ABCG2: variants seen among roughly 807,000 people sequenced by gnomAD.
ABCG2 encodes the protein ATP binding cassette subfamily G member 2 (JR blood group), also known as broad substrate specificity ATP-binding cassette transporter ABCG2.
ABCG2 carries 80 observed loss-of-function variants against 73.5 expected under a neutral mutation model. The observed-to-expected ratio is 1.09, with a 90% CI of 0.91 to 1.31. The LOEUF is 1.31. Among genes scored for constraint, ABCG2 ranks in the 50% most tolerant of loss-of-function variants. ABCG2 has a pLI of 0.00. For synonymous variants in ABCG2, 269 were observed against 282.4 expected (o/e 0.95, Z 0.48); for missense variants, 796 against 786.2 (o/e 1.01, Z -0.15).
intron 1 of ABCG2, among the ~76,000 whole-genome samples, chr4:88,224,928 T>C (rs1303556851): frequency 1.3e-5 from 2 of 152,198 alleles, no homozygotes; most frequent in African/African-American, 4.8e-5. Context: ...CCCAGCACCA[T>C]TTATTGAAAA....
chr4:88,116,015 C>A (rs887292278), intron 7 of ABCG2, among the ~76,000 whole-genome samples: 1 of 152,068 alleles, frequency 6.6e-6, no homozygotes, highest in African/African-American at 2.4e-5. Flanking sequence ...GCCAACATGG[C>A]AAAACCCCAT....
At chr4:88,209,794 T>C (rs191751952) in intron 1 of ABCG2, among the ~76,000 whole-genome samples, 2 of 152,352 alleles carry the variant, frequency 1.3e-5, no homozygotes, top group African/African-American at 4.8e-5. Context: ...GGCAATGTTA[T>C]ATAAAATAAT....
chr4:88,179,076 TG>T (rs56919975), intron 1 of ABCG2, among the ~76,000 whole-genome samples: 12,227 of 152,180 alleles, frequency 0.08, 628 homozygotes, highest in East Asian at 0.19. Context: ...GTGGTTACCA[TG>T]GGCCTTAGGC....
At chr4:88,099,502 G>A in intron 11 of ABCG2, 54 bp from the exon 12 acceptor site, 1 of 1,529,238 alleles carries the variant, frequency 6.5e-7, no homozygotes, top group Non-Finnish European at 8.8e-7. Context: ...GAAGCCACAG[G>A]GCAGGCTAGA....
chr4:88,130,545 C>T (rs1262827771), intron 5 of ABCG2, among the ~76,000 whole-genome samples: 1 of 152,104 alleles, frequency 6.6e-6, no homozygotes, highest in East Asian at 1.9e-4. Flanking sequence ...ACCATCCCCC[C>T]TACCCTGGTC....
At chr4:88,198,148 AT>A (rs1729011284) in intron 1 of ABCG2, among the ~76,000 whole-genome samples, 1 of 151,964 alleles carries the variant, frequency 6.6e-6, no homozygotes, top group Non-Finnish European at 1.5e-5. Flanking sequence ...CCTGGCCAAC[AT>A]GGTGAAACCC....
Position 88,097,514 on chromosome 4 carries a change from G to A in ABCG2, c.1586C>T (p.Ala529Val). ...SASSMALAIA[A>V]GQSVVSVATL... ...TGCTACAGAAACCACACTCTGACCT[G>A]CTGCTATGGCCAGTGCCATGGAACT... The change falls in exon 13 of 16, where the codon GCA becomes GTA. Residue 529 changes from alanine (A) to valine (V), a missense_variant. Coordinates refer to ENST00000237612, the MANE Select transcript of ABCG2 (RefSeq NM_004827.3). 6.2e-7 allele frequency: 1 copy of A among 1,614,170 alleles called. No individual in the cohort carries two copies. The highest frequency in any genetic ancestry group is 8.5e-7 in the Non-Finnish European group (1 of 1,180,000).
chr4:88,151,935 C>T (rs768899261), intron 1 of ABCG2, among the ~76,000 whole-genome samples: 2 of 152,134 alleles, frequency 1.3e-5, no homozygotes, highest in Non-Finnish European at 1.5e-5. Context: ...CTCTAATCCA[C>T]GGGTACAGTT....
intron 1 of ABCG2, among the ~76,000 whole-genome samples, chr4:88,216,591 C>T (rs963525889): frequency 6.6e-6 from 1 of 152,148 alleles, no homozygotes; most frequent in African/African-American, 2.4e-5. Context: ...GACCAACAGC[C>T]AAAGTCAACA....
chr4:88,219,576 A>ATTTTTTTTTTTTTTTTTTT (rs5860122), intron 1 of ABCG2, among the ~76,000 whole-genome samples: 1 of 90,872 alleles, frequency 1.1e-5, no homozygotes, highest in Non-Finnish European at 2.0e-5. Flanking sequence ...TACCATTCAA[A>ATTTTTTTTTTTTTTTTTTT]TTTTTTTTTT....
chr4:88,148,689 C>T (rs1022300594), intron 1 of ABCG2, among the ~76,000 whole-genome samples: 40 of 152,180 alleles, frequency 2.6e-4, no homozygotes, highest in African/African-American at 8.9e-4. Flanking sequence ...CAACTGTACA[C>T]ACGGTTCTGC....
chr4:88,137,583 G>C (rs1025237919), intron 2 of ABCG2, among the ~76,000 whole-genome samples: 2 of 152,192 alleles, frequency 1.3e-5, no homozygotes, highest in African/African-American at 4.8e-5. Context: ...TTGACCCAAG[G>C]CCCTGAGGAC....
Position 88,187,549 on chromosome 4 carries a change from G to A in ABCG2, c.-20+43445C>T, listed in dbSNP as rs528355017. On this transcript the variant is annotated intron_variant, in intron 1 of 15. Transcript: ENST00000515655. ...AATTGCTTGAACCCAGGAGTCAGAG[G>A]TTGCGGCAAGCCAAGATCATGCCAT... Among the ~76,000 whole-genome samples the A allele has an allele frequency of 2.1e-3, 315 of 152,156 alleles. 1 individual carries two copies. The highest frequency in any genetic ancestry group is 6.6e-3 in the African/African-American group (275 of 41,518).
chr4:88,159,183 C>T (rs1176009361), upstream of ABCG2: 1 of 456,348 alleles, frequency 2.2e-6, no homozygotes, highest in East Asian at 7.0e-5. Flanking sequence ...AATCACCAGG[C>T]GCTCATTGGG....
In ABCG2 at chr4:88,113,290, A is replaced by T; in HGVS notation, c.1194+13T>A. ...GTTCCCATTTGAGTATTTCAAAAGA[A>T]TCTGCTGGTTACCTGAGCTATAGAG... On this transcript the variant is annotated intron_variant, in intron 9 of 15. Coordinates refer to ENST00000237612, the MANE Select transcript of ABCG2 (RefSeq NM_004827.3). 1 of 1,610,420 alleles carries T rather than the reference A, an allele frequency of 6.2e-7. No homozygotes were observed. The highest frequency in any genetic ancestry group is 8.5e-7 in the Non-Finnish European group (1 of 1,178,906).
chr4:88,140,350 C>A (rs560546774), intron 1 of ABCG2, among the ~76,000 whole-genome samples: 1 of 152,210 alleles, frequency 6.6e-6, no homozygotes, highest in African/African-American at 2.4e-5. Context: ...GCTTGAAAAG[C>A]ATATTATGAT....
chr4:88,163,666 C>A, upstream of ABCG2: 1 of 277,700 alleles, frequency 3.6e-6, no homozygotes, highest in South Asian at 3.9e-5. Flanking sequence ...CATCAGCATT[C>A]ACAAGCGCAT....
At chr4:88,202,489 G>T (rs1729226229) in intron 1 of ABCG2, among the ~76,000 whole-genome samples, 1 of 150,670 alleles carries the variant, frequency 6.6e-6, no homozygotes, top group South Asian at 2.1e-4. Flanking sequence ...TGAGAAAAAT[G>T]GAATTTATTG....
At chr4:88,230,502 C>G in intron 1 of ABCG2, among the ~76,000 whole-genome samples, 1 of 151,650 alleles carries the variant, frequency 6.6e-6, no homozygotes, top group African/African-American at 2.4e-5. Context: ...TCCAAGTGGC[C>G]TATATAATCT....
Sources: gnomAD v4.1 joint callset for allele counts (sites outside exome capture counted in the v4.1 genomes callset) on GRCh38, gnomAD v4.1.1 for gene constraint, MANE v1.5 for transcripts, NCBI Gene and HGNC (gene_info 2026-07-23, HGNC 2026-07-21) for gene names.